BDH2: variants seen among roughly 807,000 people sequenced by gnomAD.
The protein encoded by BDH2 is dehydrogenase/reductase SDR family member 6.
Under a neutral mutation model 33.2 loss-of-function variants are expected in BDH2, and 24 were observed. That is an observed-to-expected ratio of 0.72 (90% CI 0.52 to 1.02). The LOEUF (loss-of-function observed/expected upper bound fraction) is 1.02. Among genes scored for constraint, BDH2 ranks in the 50% least tolerant of loss-of-function variants. BDH2 has a pLI of 0.00. For missense variants in BDH2, 249 were observed against 301.6 expected, an observed-to-expected ratio of 0.83 and a Z score of 1.29; for synonymous variants, 81 against 101.6, an observed-to-expected ratio of 0.80 and a Z score of 1.22.
intron 5 of BDH2, 142 bp from the exon 6 acceptor site, chr4:103,086,682 GC>G: frequency 8.9e-7 from 1 of 1,117,844 alleles, no homozygotes; most frequent in Non-Finnish European, 1.2e-6. Context: ...GCACTATTAA[GC>G]AGTCTTAACA....
chr4:103,090,976 C>G (rs923398044), intron 5 of BDH2, among the ~76,000 whole-genome samples: 1 of 152,146 alleles, frequency 6.6e-6, no homozygotes, highest in Non-Finnish European at 1.5e-5. Context: ...GTGGAAAGTG[C>G]TTAATAAATA....
chr4:103,083,740 A>C (rs1361054334), intron 7 of BDH2, among the ~76,000 whole-genome samples: 1 of 152,188 alleles, frequency 6.6e-6, no homozygotes, highest in Non-Finnish European at 1.5e-5. Context: ...ATGGTTTTAC[A>C]GTCATACTTC....
chr4:103,081,972 T>A, intron 9 of BDH2, 109 bp downstream of exon 9: 1 of 842,030 alleles, frequency 1.2e-6, no homozygotes, highest in East Asian at 2.6e-5. Context: ...AAATGTAGCA[T>A]CTTAGCACAT....
intron 5 of BDH2, among the ~76,000 whole-genome samples, chr4:103,088,317 A>G (rs890147557): frequency 6.6e-6 from 1 of 152,246 alleles, no homozygotes; most frequent in African/African-American, 2.4e-5. Context: ...AATTTAATAC[A>G]TAAAGATGGG....
At chr4:103,097,291 A>C (rs564531884) in intron 1 of BDH2, among the ~76,000 whole-genome samples, 1 of 152,356 alleles carries the variant, frequency 6.6e-6, no homozygotes, top group African/African-American at 2.4e-5. Flanking sequence ...TTAAGCATGC[A>C]GTAGTAACAC....
intron 5 of BDH2, among the ~76,000 whole-genome samples, chr4:103,090,118 C>A (rs1316725117): frequency 6.6e-6 from 1 of 152,152 alleles, no homozygotes; most frequent in African/African-American, 2.4e-5. Context: ...AAAAGTTGTT[C>A]TTCTGCATTT....
At chr4:103,079,816 G>C (rs12504262) in intron 9 of BDH2, 61 bp from the exon 10 acceptor site, 317,207 of 1,517,304 alleles carry the variant, frequency 0.21, 34,343 homozygotes, top group African/African-American at 0.32. Context: ...GCTGTATTTT[G>C]AAATTTTCCT....
At chr4:103,093,085 C>T (rs1203797581) in intron 3 of BDH2, among the ~76,000 whole-genome samples, 2 of 152,124 alleles carry the variant, frequency 1.3e-5, no homozygotes, top group East Asian at 3.8e-4. Flanking sequence ...CTCTTTGCAG[C>T]TTTTCTCTTA....
At chr4:103,086,372 C>A in intron 6 of BDH2, 108 bp downstream of exon 6, 1 of 1,412,604 alleles carries the variant, frequency 7.1e-7, no homozygotes, top group Non-Finnish European at 9.3e-7. Context: ...GTTTTGAAAT[C>A]ATTTCAATAC....
intron 5 of BDH2, among the ~76,000 whole-genome samples, chr4:103,087,230 G>A (rs1485830531): frequency 6.6e-6 from 1 of 152,192 alleles, no homozygotes; most frequent in Non-Finnish European, 1.5e-5. Context: ...GGTCTGGCTG[G>A]AATGCAGGGT....
chr4:103,091,063 T>G (rs1427857804), intron 5 of BDH2, 114 bp downstream of exon 5: 1 of 617,342 alleles, frequency 1.6e-6, no homozygotes, highest in East Asian at 2.8e-5. Context: ...TCAATGCAAG[T>G]TAATCATTGT....
intron 7 of BDH2, 38 bp downstream of exon 7, chr4:103,085,311 G>A: frequency 6.6e-7 from 1 of 1,515,676 alleles, no homozygotes; most frequent in Non-Finnish European, 9.0e-7. Flanking sequence ...AAGTGTTTCA[G>A]TAAAACTTTG....
chr4:103,095,002 G>A lies in BDH2; in HGVS notation c.151+201C>T, dbSNP rs186155815. Among the ~76,000 whole-genome samples, 6 of 152,228 alleles carry A rather than the reference G, an allele frequency of 3.9e-5. No homozygotes were observed. The East Asian group carries it at 7.7e-4, about 20-fold the overall frequency. On this transcript the variant is annotated intron_variant, in intron 3 of 9. Coordinates refer to ENST00000296424, the MANE Select transcript of BDH2 (RefSeq NM_020139.4). ...GCTAAATAAAGGATTTTAAGTATTC[G>A]TCCTCAAATTTTTCTATGCATGTAA... is the stretch of plus-strand genomic sequence containing the variant.
chr4:103,095,151 T>C, intron 3 of BDH2, 52 bp downstream of exon 3: 1 of 1,454,454 alleles, frequency 6.9e-7, no homozygotes, highest in East Asian at 2.3e-5. Context: ...CGCCATGCTT[T>C]ATAATACCTT....
intron 6 of BDH2, chr4:103,086,163 C>T (rs1427487215): frequency 2.8e-5 from 32 of 1,126,992 alleles, no homozygotes; most frequent in South Asian, 1.1e-4. Flanking sequence ...GAGCACATAC[C>T]GGTGCTCAAT....
intron 6 of BDH2, 124 bp from the exon 7 acceptor site, chr4:103,085,586 A>G (rs777326122): frequency 3.8e-5 from 54 of 1,437,220 alleles, no homozygotes; most frequent in Non-Finnish European, 3.5e-5. Context: ...CTCCCCTTTT[A>G]AAAAGATTGA....
intron 5 of BDH2, among the ~76,000 whole-genome samples, chr4:103,089,562 T>A (rs568313450): frequency 2.6e-5 from 4 of 152,342 alleles, no homozygotes; most frequent in African/African-American, 9.6e-5. Context: ...AATGTTTGTA[T>A]ATTTTAAAAA....
chr4:103,092,992 T>C (rs1029271286), intron 3 of BDH2, among the ~76,000 whole-genome samples: 7 of 152,194 alleles, frequency 4.6e-5, no homozygotes, highest in Admixed American at 6.5e-5. Flanking sequence ...TGGTGTACAT[T>C]AGATGTTTCT....
Position 103,092,653 on chromosome 4 carries a change from A to C in BDH2, c.195T>G (p.Ile65Met). The change falls in exon 4 of 10, where the codon ATT becomes ATG. Residue 65 changes from isoleucine to methionine, a missense_variant. Physicochemically the swap from Ile to Met is conservative, Grantham distance 10. Transcript: ENST00000296424. ...RVLDVTKKKQ[I>M]DQFANEVERL... is the part of the protein sequence containing the mutation. ...TCTCAACTTCATTGGCAAACTGATCAATTTGTTTCTTCTTTGTGACATCAA... is the reference window on the plus strand; with the variant it reads ...TCTCAACTTCATTGGCAAACTGATCCATTTGTTTCTTCTTTGTGACATCAA... The C allele has an allele frequency of 6.2e-7, 1 of 1,613,284 alleles. No homozygotes were observed. Among genetic ancestry groups the C allele is most frequent in the Non-Finnish European group, 8.5e-7 (1 of 1,179,396 alleles).
Sources: gnomAD v4.1 joint callset for allele counts (sites outside exome capture counted in the v4.1 genomes callset) on GRCh38, gnomAD v4.1.1 for gene constraint, MANE v1.5 for transcripts, NCBI Gene and HGNC (gene_info 2026-07-23, HGNC 2026-07-21) for gene names.